Variants in TG observed in about 807,000 individuals in gnomAD.
The protein encoded by TG is thyroid hormones.
In TG, 270 loss-of-function variants were observed where a neutral mutation model predicts 324.7. The observed-to-expected ratio is 0.83, with a 90% CI of 0.75 to 0.92. The LOEUF (loss-of-function observed/expected upper bound fraction) is 0.92, where lower values mean the gene tolerates loss of function less well. Ranked by LOEUF, TG falls within the 40% of genes least tolerant of loss-of-function variation. TG has a pLI of 0.00. For missense variants in TG, 3,591 were observed against 3,456.4 expected, an observed-to-expected ratio of 1.04 and a Z score of -0.98; for synonymous variants, 1,401 against 1,327.0, an observed-to-expected ratio of 1.06 and a Z score of -1.21.
At chr8:133,058,656 A>G (rs948056937) in intron 41 of TG, among the ~76,000 whole-genome samples, 11 of 152,058 alleles carry the variant, frequency 7.2e-5, no homozygotes, top group Admixed American at 1.3e-4. Context: ...CAGTTTGGAG[A>G]GGGTGAGAAA....
intron 27 of TG, among the ~76,000 whole-genome samples, chr8:132,953,036 AC>A (rs1473490840): frequency 1.7e-4 from 26 of 152,218 alleles, no homozygotes; most frequent in Non-Finnish European, 1.5e-5. Flanking sequence ...GTCTCCGGTA[AC>A]TGAGAGTGTC....
chr8:133,002,389 C>A, intron 35 of TG: 1 of 985,444 alleles, frequency 1.0e-6, no homozygotes, highest in South Asian at 4.7e-5. Flanking sequence ...TAATATCTGG[C>A]CACTTTCTAA....
intron 21 of TG, among the ~76,000 whole-genome samples, chr8:132,921,910 T>C (rs961532896): frequency 1.4e-4 from 22 of 152,360 alleles, no homozygotes; most frequent in African/African-American, 5.3e-4. Flanking sequence ...TCTGGAAATA[T>C]AGAAACTCAG....
chr8:132,941,477 T>A lies in TG; in HGVS notation c.5168T>A (p.Phe1723Tyr), dbSNP rs757554833. ...SGANLTDAHL[F>Y]CLLACDRDLC... ...GCCAATCTAACCGATGCTCACCTCT[T>A]CTGTCTTCTTGCATGCGACCGTGAT... is the stretch of plus-strand genomic sequence containing the variant. The change falls in exon 26 of 48, where the codon TTC (phenylalanine) becomes TAC (tyrosine). Residue 1723 changes from phenylalanine (F) to tyrosine (Y), a missense_variant. By Grantham distance (22) the Phe-to-Tyr change is conservative. Coordinates refer to ENST00000220616, the MANE Select transcript of TG (RefSeq NM_003235.5). The A allele has an allele frequency of 1.9e-6, 3 of 1,614,118 alleles. No homozygotes were observed. Among genetic ancestry groups the A allele is most frequent in the Non-Finnish European group, 2.5e-6 (3 of 1,180,046 alleles).
intron 41 of TG, chr8:133,094,827 A>C: frequency 1.5e-6 from 1 of 647,866 alleles, no homozygotes; most frequent in East Asian, 2.8e-5. Context: ...ACAGGTTAGG[A>C]AACTGAGGCC....
chr8:132,949,636 T>A (rs1825825470), intron 27 of TG, among the ~76,000 whole-genome samples: 1 of 152,206 alleles, frequency 6.6e-6, no homozygotes, highest in African/African-American at 2.4e-5. Context: ...ACTCTAGTGA[T>A]GGGTGCAGGG....
In TG at chr8:133,095,273, C is replaced by T. The variant is rs1201940769; in HGVS notation, c.7404+65C>T. The stretch of plus-strand genomic sequence containing the variant: ...GTCTTTTACAAATAGAAAATGAAGA[C>T]CTAGGAAGGAGGTGTCACCCACCCC... On this transcript the variant is annotated intron_variant, in intron 42 of 47. Transcript: ENST00000220616. The T allele has an allele frequency of 2.1e-5, 34 of 1,611,200 alleles. 1 individual carries two copies. The Middle Eastern group carries it at 2.2e-3, about 104-fold the overall frequency.
intron 41 of TG, among the ~76,000 whole-genome samples, chr8:133,072,703 A>T (rs10113099): frequency 0.19 from 29,388 of 152,248 alleles, 3,133 homozygotes; most frequent in Non-Finnish European, 0.24. Flanking sequence ...TTCTGTCTTT[A>T]AAAAGGCTCA....
chr8:132,925,550 T>TGTGTGTGTTC (rs1821743235), intron 22 of TG, among the ~76,000 whole-genome samples: 2 of 151,956 alleles, frequency 1.3e-5, no homozygotes, highest in Admixed American at 1.3e-4. Flanking sequence ...TGTGTGTGTG[T>TGTGTGTGTTC]GTTCTTGAAT....
intron 46 of TG, among the ~76,000 whole-genome samples, chr8:133,132,541 T>C (rs1243181675): frequency 6.6e-6 from 1 of 152,218 alleles, no homozygotes; most frequent in Non-Finnish European, 1.5e-5. Flanking sequence ...GCAGAATTGG[T>C]TCCTGCTCTT....
rs769168191 is a variant in TG, at chr8:133,113,464, T to C, written c.7615T>C (p.Phe2539Leu). 72 of 1,613,754 alleles carry C rather than the reference T, an allele frequency of 4.5e-5. No individual in the cohort carries two copies. The highest frequency in any genetic ancestry group is 6.0e-5 in the Non-Finnish European group (71 of 1,179,924). The change falls in exon 44 of 48, where the codon TTT becomes CTT. Residue 2539 changes from phenylalanine to leucine, a missense_variant. By Grantham distance (22) the Phe-to-Leu change is conservative. Coordinates refer to ENST00000220616, the MANE Select transcript of TG (RefSeq NM_003235.5). ...AGGCCGGACCAGTAGCAAAACAGCC[T>C]TTTACCAGGCACTGCAGAATTCTCT... Reference protein sequence around the residue: ...SRGRTSSKTAFYQALQNSLGG... With the variant: ...SRGRTSSKTALYQALQNSLGG...
chr8:133,089,547 C>A (rs1847166404), intron 41 of TG, among the ~76,000 whole-genome samples: 1 of 152,322 alleles, frequency 6.6e-6, no homozygotes, highest in Non-Finnish European at 1.5e-5. Flanking sequence ...TTCTAAATCA[C>A]ATCTCTTACT....
chr8:133,103,369 C>G (rs564914956), intron 43 of TG, among the ~76,000 whole-genome samples: 1 of 152,134 alleles, frequency 6.6e-6, no homozygotes, highest in Non-Finnish European at 1.5e-5. Context: ...GTAAACCCTC[C>G]ACCCTGGAGC....
chr8:133,057,781 A>AAC (rs988184748), intron 41 of TG, among the ~76,000 whole-genome samples: 5 of 151,886 alleles, frequency 3.3e-5, no homozygotes, highest in Non-Finnish European at 2.9e-5. Context: ...AAACAAAAAA[A>AAC]AAAAAACAAA....
chr8:133,111,640 T>C (rs1850255245), intron 43 of TG, among the ~76,000 whole-genome samples: 1 of 152,046 alleles, frequency 6.6e-6, no homozygotes, highest in Admixed American at 6.5e-5. Context: ...ATGGTAAGAG[T>C]ATGGAGTGTG....
chr8:133,112,987 G>C (rs896825935), intron 43 of TG, among the ~76,000 whole-genome samples: 3 of 152,196 alleles, frequency 2.0e-5, no homozygotes, highest in African/African-American at 7.2e-5. Context: ...CTGAGTCCAT[G>C]AATGAAACTG....
At chr8:132,933,424 A>T in intron 23 of TG, 137 bp from the exon 24 acceptor site, 1 of 688,088 alleles carries the variant, frequency 1.5e-6, no homozygotes, top group South Asian at 1.5e-5. Flanking sequence ...GTATTTGTGT[A>T]TCTGCATATT....
At position 133,116,001 on chromosome 8, in the gene TG, C is replaced by A. The variant is rs560925573; in HGVS notation, c.7755-608C>A. On this transcript the variant is annotated intron_variant, in intron 44 of 47. Coordinates refer to ENST00000220616, the MANE Select transcript of TG (RefSeq NM_003235.5). ...GGATGTTCAGCAGCATCCTGACCCC[C>A]ACACACTAGATGCCAGTACAATCCT... Among the ~76,000 whole-genome samples, 20 of 152,190 alleles carry A rather than the reference C, an allele frequency of 1.3e-4. No homozygotes were observed. The South Asian group carries it at 3.9e-3, about 30-fold the overall frequency.
chr8:132,938,027 C>T (rs1034510763), intron 25 of TG, among the ~76,000 whole-genome samples: 6 of 152,122 alleles, frequency 3.9e-5, no homozygotes, highest in African/African-American at 1.4e-4. Flanking sequence ...TTGGGTCTGG[C>T]TTCCAACTCC....
Sources: allele counts gnomAD v4.1 joint callset (sites outside exome capture counted in the v4.1 genomes callset), GRCh38; gene constraint gnomAD v4.1.1; transcripts MANE v1.5; gene names NCBI Gene and HGNC (gene_info 2026-07-23, HGNC 2026-07-21).